Variants in DLGAP2 observed in about 807,000 individuals in gnomAD.
DLGAP2 encodes DLG associated protein 2, also known as disks large-associated protein 2.
DLGAP2 carries 26 observed loss-of-function variants against 100.3 expected under a neutral mutation model. The ratio of observed to expected loss-of-function variants is 0.26; its 90% CI spans 0.19 to 0.36. The LOEUF is 0.36. DLGAP2 is among the 10% of genes least tolerant of loss of function. The probability of loss-of-function intolerance (pLI) is 1.00; values close to 1 mark genes in which losing one functional copy is unlikely to be tolerated. For missense variants in DLGAP2, 1,858 were observed against 1,453.2 expected (o/e 1.28, Z -4.53); for synonymous variants, 886 against 630.1 (o/e 1.41, Z -6.08).
intron 2 of DLGAP2, among the ~76,000 whole-genome samples, chr8:1,150,691 A>G (rs544602856): frequency 1.1e-4 from 16 of 152,358 alleles, no homozygotes; most frequent in African/African-American, 3.6e-4. Flanking sequence ...GAGAAAGAAA[A>G]ACAAAATGGA....
At chr8:1,468,346 G>A (rs1440354254) in intron 3 of DLGAP2, among the ~76,000 whole-genome samples, 2 of 151,878 alleles carry the variant, frequency 1.3e-5, no homozygotes, top group Non-Finnish European at 2.9e-5. Context: ...GTGGATCTGG[G>A]CTGGTCCTGA....
chr8:761,884 G>GT (rs1051421694), intron 1 of DLGAP2, among the ~76,000 whole-genome samples: 18 of 152,344 alleles, frequency 1.2e-4, no homozygotes, highest in African/African-American at 4.3e-4. Flanking sequence ...ATGGGGAAAC[G>GT]TTGGCCTCAA....
chr8:841,810 G>T (rs972264106), intron 1 of DLGAP2, among the ~76,000 whole-genome samples: 1 of 152,154 alleles, frequency 6.6e-6, no homozygotes, highest in African/African-American at 2.4e-5. Flanking sequence ...TTTGAACTTA[G>T]GAATTTGGAA....
At chr8:1,494,332 G>T (rs757929605) in intron 3 of DLGAP2, among the ~76,000 whole-genome samples, 2 of 152,202 alleles carry the variant, frequency 1.3e-5, no homozygotes, top group Non-Finnish European at 2.9e-5. Context: ...CTGAGAAGAC[G>T]CAATTGTGCT....
At chr8:1,651,784 G>C (rs184319553) in intron 8 of DLGAP2, among the ~76,000 whole-genome samples, 42 of 152,290 alleles carry the variant, frequency 2.8e-4, no homozygotes, top group African/African-American at 1.0e-3. Flanking sequence ...TTTCCATCTG[G>C]GTATGTGCTC....
intron 2 of DLGAP2, among the ~76,000 whole-genome samples, chr8:1,144,020 G>A (rs1264333875): frequency 6.6e-6 from 1 of 152,222 alleles, no homozygotes; most frequent in Non-Finnish European, 1.5e-5. Context: ...TCCCCACAAA[G>A]CGCATCTTAG....
chr8:1,583,302 G>A (rs1796006178), intron 6 of DLGAP2, among the ~76,000 whole-genome samples: 1 of 152,170 alleles, frequency 6.6e-6, no homozygotes, highest in African/African-American at 2.4e-5. Context: ...ACCAGCTATT[G>A]ATGGACGCAT....
At chr8:796,058 TGTCCAGTGAGAGCAGGC>T (rs1356607558) in intron 1 of DLGAP2, among the ~76,000 whole-genome samples, 14 of 115,494 alleles carry the variant, frequency 1.2e-4, no homozygotes, top group South Asian at 3.1e-4. Flanking sequence ...TGAGAGCAGC[TGTCCAGTGAGAGCAGGC>T]GTCCAGTGAG....
chr8:1,536,612 C>T (rs9918795), intron 4 of DLGAP2, among the ~76,000 whole-genome samples: 19,460 of 152,122 alleles, frequency 0.13, 1,727 homozygotes, highest in African/African-American at 0.25. Context: ...AGCCCTGCAT[C>T]CTGACTGTCC....
chr8:981,383 A>G (rs1250172718), intron 2 of DLGAP2, among the ~76,000 whole-genome samples: 5 of 152,060 alleles, frequency 3.3e-5, no homozygotes, highest in Admixed American at 3.3e-4. Flanking sequence ...ATAAGGCAAC[A>G]ACGACACTGG....
chr8:1,617,004 G>A (rs1388031799), intron 6 of DLGAP2, among the ~76,000 whole-genome samples: 2 of 152,208 alleles, frequency 1.3e-5, no homozygotes, highest in Non-Finnish European at 2.9e-5. Context: ...CTGTCCCTGT[G>A]TTAGTTTGCT....
chr8:1,208,000 C>G (rs1330724013), intron 2 of DLGAP2, among the ~76,000 whole-genome samples: 2 of 152,136 alleles, frequency 1.3e-5, no homozygotes, highest in Non-Finnish European at 2.9e-5. Flanking sequence ...TGAAGATTTT[C>G]TCCCACTCGG....
In DLGAP2 at chr8:877,152, C is replaced by G. The variant is rs112696437; in HGVS notation, c.19-30760C>G. ...TCACTTCCACAGGTAGTTTGTGTTG[C>G]CTGCCTCTTATTGTTTTTTCATTGT... On this transcript the variant is annotated intron_variant, in intron 1 of 14. Coordinates refer to ENST00000637795, the MANE Select transcript of DLGAP2 (RefSeq NM_001346810.2). Among the ~76,000 whole-genome samples the G allele has an allele frequency of 1.2e-4, 18 of 152,142 alleles. 1 individual carries two copies. Among genetic ancestry groups the G allele is most frequent in the African/African-American group, 4.3e-4 (18 of 41,500 alleles).
intron 2 of DLGAP2, among the ~76,000 whole-genome samples, chr8:1,051,118 A>G (rs1802674146): frequency 6.6e-6 from 1 of 151,256 alleles, no homozygotes; most frequent in African/African-American, 2.4e-5. Context: ...TGGTGGGGTC[A>G]TTCCATGATG....
At chr8:743,858 C>T (rs530889199) in intron 1 of DLGAP2, among the ~76,000 whole-genome samples, 10 of 152,360 alleles carry the variant, frequency 6.6e-5, no homozygotes, top group South Asian at 4.1e-4. Context: ...GGCCACTGCG[C>T]GATGCCTTTT....
In DLGAP2 at chr8:946,958, G is replaced by C. The variant is rs142192162; in HGVS notation, c.73+38992G>C. 3.7e-3 allele frequency among the ~76,000 whole-genome samples: 571 copies of C among 152,312 alleles called. 9 individuals carry two copies. The highest frequency in any genetic ancestry group is 2.4e-3 in the Non-Finnish European group (165 of 68,028). On this transcript the variant is annotated intron_variant, in intron 2 of 14. Transcript: ENST00000637795. The stretch of plus-strand genomic sequence containing the variant: ...GCTGCCGGGGTTGCGCACCGGGCGA[G>C]GGCTCTGGGACGTCGGGTAGCAGCA...
chr8:863,206 G>A (rs1420755606), intron 1 of DLGAP2, among the ~76,000 whole-genome samples: 2 of 152,228 alleles, frequency 1.3e-5, no homozygotes, highest in African/African-American at 2.4e-5. Flanking sequence ...GGAAGGGGCA[G>A]TGGCAGGATT....
intron 2 of DLGAP2, among the ~76,000 whole-genome samples, chr8:1,188,884 T>C (rs1054492145): frequency 2.0e-5 from 3 of 152,238 alleles, no homozygotes; most frequent in Admixed American, 1.3e-4. Flanking sequence ...CCTCCAAATA[T>C]ATATGATGCC....
intron 1 of DLGAP2, among the ~76,000 whole-genome samples, chr8:860,475 C>T (rs1797367699): frequency 6.6e-6 from 1 of 152,176 alleles, no homozygotes; most frequent in South Asian, 2.1e-4. Context: ...TTTCATTGTC[C>T]TGGACCAAAT....
Sources: gnomAD v4.1 joint callset for allele counts (sites outside exome capture counted in the v4.1 genomes callset) on GRCh38, gnomAD v4.1.1 for gene constraint, MANE v1.5 for transcripts, NCBI Gene and HGNC (gene_info 2026-07-23, HGNC 2026-07-21) for gene names.